SUPT3H: variants seen among roughly 807,000 people sequenced by gnomAD.
SUPT3H encodes the protein transcription initiation protein SPT3 homolog.
A neutral mutation model predicts 44.3 loss-of-function variants in SUPT3H; 44 were observed. The observed-to-expected ratio is 0.99, with a 90% CI of 0.78 to 1.28. The LOEUF (loss-of-function observed/expected upper bound fraction) is 1.28. Among genes scored for constraint, SUPT3H ranks in the 50% most tolerant of loss-of-function variants. SUPT3H has a pLI of 0.00. For missense variants in SUPT3H, 380 were observed against 387.1 expected, an observed-to-expected ratio of 0.98 and a Z score of 0.15; for synonymous variants, 124 against 125.6, an observed-to-expected ratio of 0.99 and a Z score of 0.09.
At chr6:45,294,302 G>C (rs967678640) in intron 2 of SUPT3H, among the ~76,000 whole-genome samples, 2 of 151,996 alleles carry the variant, frequency 1.3e-5, no homozygotes, top group Non-Finnish European at 2.9e-5. Flanking sequence ...AAAACTCTTG[G>C]CAAAATCAGC....
At chr6:45,161,278 T>C (rs1246158307) in intron 2 of SUPT3H, among the ~76,000 whole-genome samples, 2 of 152,132 alleles carry the variant, frequency 1.3e-5, no homozygotes, top group Non-Finnish European at 2.9e-5. Flanking sequence ...GTTTATCTGA[T>C]GAACTCTTGT....
At chr6:45,296,738 C>A (rs1450144502) in intron 2 of SUPT3H, among the ~76,000 whole-genome samples, 31 of 29,698 alleles carry the variant, frequency 1.0e-3, no homozygotes, top group South Asian at 9.3e-3. Context: ...GACTCTGTCT[C>A]AAAAAAAAAA....
At chr6:44,930,188 C>T (rs545255562) in intron 10 of SUPT3H, among the ~76,000 whole-genome samples, 6 of 152,172 alleles carry the variant, frequency 3.9e-5, no homozygotes, top group African/African-American at 1.4e-4. Flanking sequence ...ACCATCCTGG[C>T]TAACATGGTG....
At chr6:44,948,220 A>G (rs1773664368) in intron 9 of SUPT3H, among the ~76,000 whole-genome samples, 1 of 152,126 alleles carries the variant, frequency 6.6e-6, no homozygotes, top group African/African-American at 2.4e-5. Flanking sequence ...CCTTCCTTAC[A>G]CCTTATACAA....
intron 3 of SUPT3H, among the ~76,000 whole-genome samples, chr6:45,057,219 CTTA>C (rs1791268007): frequency 1.3e-5 from 2 of 151,992 alleles, no homozygotes; most frequent in Admixed American, 1.3e-4. Flanking sequence ...TAAAATCCTT[CTTA>C]TTATGGACTC....
chr6:45,322,962 C>T lies in SUPT3H; in HGVS notation c.101+42239G>A, dbSNP rs199652291. Reference sequence around the variant, plus strand: ...CAGTGCTACAGCTGTTATTGATAAGCAGTTTCTAAAGGAGAAAAAACTTCA... The same window carrying T: ...CAGTGCTACAGCTGTTATTGATAAGTAGTTTCTAAAGGAGAAAAAACTTCA... On this transcript the variant is annotated intron_variant, in intron 2 of 10. Coordinates refer to ENST00000371459, the MANE Select transcript of SUPT3H (RefSeq NM_003599.4). 1.4e-4 allele frequency: 230 copies of T among 1,605,376 alleles called. No homozygotes were observed. In the African/African-American group the frequency reaches 2.1e-3, roughly 15 times the overall value.
intron 10 of SUPT3H, among the ~76,000 whole-genome samples, chr6:44,837,324 C>G (rs758144708): frequency 6.6e-6 from 1 of 152,114 alleles, no homozygotes; most frequent in Non-Finnish European, 1.5e-5. Context: ...AGGCATAACC[C>G]AATGCATGAA....
chr6:45,140,750 C>A (rs1485066751), intron 2 of SUPT3H, among the ~76,000 whole-genome samples: 2 of 152,136 alleles, frequency 1.3e-5, no homozygotes, highest in Non-Finnish European at 2.9e-5. Context: ...CATTCCCCAG[C>A]ACCAGCCCAG....
intron 2 of SUPT3H, among the ~76,000 whole-genome samples, chr6:45,114,940 T>A (rs945688245): frequency 6.6e-6 from 1 of 152,162 alleles, no homozygotes; most frequent in Non-Finnish European, 1.5e-5. Context: ...GACTTTTACC[T>A]CATCCAGAAC....
At chr6:45,364,189 T>C (rs1007708184) in intron 2 of SUPT3H, among the ~76,000 whole-genome samples, 3 of 152,052 alleles carry the variant, frequency 2.0e-5, no homozygotes, top group Non-Finnish European at 2.9e-5. Context: ...CAAATATTCT[T>C]CAGGATCTTC....
At chr6:44,839,406 A>G (rs1770520997) in intron 10 of SUPT3H, among the ~76,000 whole-genome samples, 1 of 152,028 alleles carries the variant, frequency 6.6e-6, no homozygotes. Context: ...CCCACACTCA[A>G]GCAATTCTCC....
At chr6:45,144,566 T>G (rs992611265) in intron 2 of SUPT3H, among the ~76,000 whole-genome samples, 6 of 151,934 alleles carry the variant, frequency 3.9e-5, no homozygotes, top group Non-Finnish European at 7.4e-5. Flanking sequence ...CAGGGAAAAT[T>G]GGAAAGAATT....
intron 2 of SUPT3H, among the ~76,000 whole-genome samples, chr6:45,200,144 T>C (rs1468363472): frequency 6.6e-6 from 1 of 151,548 alleles, no homozygotes; most frequent in Non-Finnish European, 1.5e-5. Flanking sequence ...CATTTATAAT[T>C]TTGAAAATTA....
At chr6:45,259,611 T>C (rs1176650967) in intron 2 of SUPT3H, among the ~76,000 whole-genome samples, 1 of 143,766 alleles carries the variant, frequency 7.0e-6, no homozygotes, top group African/African-American at 2.4e-5. Context: ...TAAGACTCCA[T>C]CCTGATTAGT....
downstream of SUPT3H, among the ~76,000 whole-genome samples, chr6:44,822,266 A>G (rs140569146): frequency 8.5e-5 from 13 of 152,344 alleles, no homozygotes; most frequent in African/African-American, 3.1e-4. Context: ...AAGAAAACAG[A>G]CATTTTAATT....
chr6:45,016,385 G>A (rs1402292531), intron 4 of SUPT3H, among the ~76,000 whole-genome samples: 2 of 150,590 alleles, frequency 1.3e-5, no homozygotes, highest in Admixed American at 6.6e-5. Flanking sequence ...TAGGGTACAT[G>A]TGCACAATGG....
intron 10 of SUPT3H, among the ~76,000 whole-genome samples, chr6:44,862,076 C>T (rs1244517976): frequency 6.6e-6 from 1 of 152,088 alleles, no homozygotes; most frequent in African/African-American, 2.4e-5. Context: ...GCCTCAGCCC[C>T]CGCCTCTCCT....
chr6:45,061,952 G>A (rs969046838), intron 3 of SUPT3H, among the ~76,000 whole-genome samples: 1 of 122,138 alleles, frequency 8.2e-6, no homozygotes, highest in Non-Finnish European at 1.7e-5. Context: ...GTATTAAATT[G>A]GGTGATGTGT....
chr6:44,958,632 C>T (rs1333058463), intron 7 of SUPT3H, among the ~76,000 whole-genome samples: 1 of 152,082 alleles, frequency 6.6e-6, no homozygotes, highest in African/African-American at 2.4e-5. Context: ...CCACAGGAAA[C>T]ATACATAATA....
Sources: gnomAD v4.1 joint callset for allele counts (sites outside exome capture counted in the v4.1 genomes callset) on GRCh38, gnomAD v4.1.1 for gene constraint, MANE v1.5 for transcripts, NCBI Gene and HGNC (gene_info 2026-07-23, HGNC 2026-07-21) for gene names.